SHC3: variants seen among roughly 807,000 people sequenced by gnomAD.
SHC3 encodes the protein SHC-transforming protein 3.
A neutral mutation model predicts 60.4 loss-of-function variants in SHC3; 15 were observed. That is an observed-to-expected ratio of 0.25 (90% CI 0.17 to 0.38). The LOEUF (loss-of-function observed/expected upper bound fraction) is 0.38, where lower values mean the gene tolerates loss of function less well. Among genes scored for constraint, SHC3 ranks in the 10% least tolerant of loss-of-function variants. The probability of loss-of-function intolerance (pLI) is 1.00; values close to 1 mark genes in which losing one functional copy is unlikely to be tolerated. For synonymous variants in SHC3, 294 were observed against 325.9 expected, an observed-to-expected ratio of 0.90 and a Z score of 1.05; for missense variants, 677 against 786.1, an observed-to-expected ratio of 0.86 and a Z score of 1.66.
intron 2 of SHC3, among the ~76,000 whole-genome samples, chr9:89,082,236 G>A (rs1317929726): frequency 6.6e-6 from 1 of 152,108 alleles, no homozygotes; most frequent in Non-Finnish European, 1.5e-5. Flanking sequence ...ACCCATGGGT[G>A]CAATGGACAG....
Position 89,038,043 on chromosome 9 carries a change from T to C in SHC3, c.1606A>G (p.Met536Val). ...AGGTGCTTGGCCTGGCCATTGTGCA[T>C]GCCCGTGAGGACAAAGGAGCCCGGG... Reference protein sequence around the residue: ...TNPGSFVLTGMHNGQAKHLLL... With the variant: ...TNPGSFVLTGVHNGQAKHLLL... The change falls in exon 11 of 12, where the codon ATG (methionine) becomes GTG (valine). Residue 536 changes from methionine (M) to valine (V), a missense_variant. Met to Val is a conservative substitution (Grantham distance 21). Coordinates refer to ENST00000375835, the MANE Select transcript of SHC3 (RefSeq NM_016848.6). 6.2e-7 allele frequency: 1 copy of C among 1,613,518 alleles called. No homozygotes were observed. The highest frequency in any genetic ancestry group is 8.5e-7 in the Non-Finnish European group (1 of 1,180,042).
chr9:89,018,711 T>A (rs556890623), intron 11 of SHC3, among the ~76,000 whole-genome samples: 22 of 150,702 alleles, frequency 1.5e-4, no homozygotes, highest in African/African-American at 5.1e-4. Context: ...TTTTTTTTTT[T>A]AAAGAAAACC....
chr9:89,078,787 G>A (rs138096407), intron 2 of SHC3, among the ~76,000 whole-genome samples: 100 of 152,270 alleles, frequency 6.6e-4, no homozygotes, highest in African/African-American at 2.4e-3. Flanking sequence ...GAAAGGAGCT[G>A]GTGACCCTTC....
In SHC3 at chr9:89,178,060, A is replaced by C; in HGVS notation, c.401T>G (p.Leu134Arg). Residue 134 changes from leucine to arginine, a missense_variant, in exon 1 of 12, where the codon CTG becomes CGG. Coordinates refer to ENST00000375835, the MANE Select transcript of SHC3 (RefSeq NM_016848.6). This position sits in a 1 kb window ranked among gnomAD's most constrained non-coding sequence, Gnocchi z 6.9. The part of the protein sequence containing the change: ...ARKGRPGDEP[L>R]PRPPRGAPHA... ...CGGCGCCCCCCGAGGGGGCCTGGGC[A>C]GCGGCTCGTCGCCGGGCCGGCCCTT... is the stretch of plus-strand genomic sequence containing the variant. 4.9e-6 allele frequency: 6 copies of C among 1,213,730 alleles called. No individual in the cohort carries two copies. Among genetic ancestry groups the C allele is most frequent in the Non-Finnish European group, 6.1e-6 (6 of 976,896 alleles). 75.2% of individuals were successfully genotyped at this position (1,213,730 alleles called of 1,614,324 possible).
intron 1 of SHC3, among the ~76,000 whole-genome samples, chr9:89,144,878 C>G (rs1056576307): frequency 1.3e-5 from 2 of 151,892 alleles, no homozygotes; most frequent in Non-Finnish European, 2.9e-5. Context: ...GTGGGGATGC[C>G]CTCTCACTCC....
intron 1 of SHC3, among the ~76,000 whole-genome samples, chr9:89,122,698 G>A (rs1826108544): frequency 6.6e-6 from 1 of 152,190 alleles, no homozygotes; most frequent in Admixed American, 6.5e-5. Context: ...CCACCTAAGG[G>A]TATGAACCTG....
rs985796386 is a variant in SHC3 at position 89,012,523 on chromosome 9, CGGGCGG to C, written c.*918_*923del. On this transcript the variant is annotated 3_prime_UTR_variant, in exon 12 of 12. Transcript: ENST00000375835. ...CAGGCTTCTCCCCTATTGTATAAGG[CGGGCGG>C]GGGACTTTACTAGCAATTACCATAA... is the stretch of plus-strand genomic sequence containing the variant. 2 of 152,016 alleles carry C rather than the reference CGGGCGG, an allele frequency of 1.3e-5. No homozygotes were observed. Among genetic ancestry groups the C allele is most frequent in the African/African-American group, 4.8e-5 (2 of 41,348 alleles). The allele number at this position is 152,016 out of a possible 1,614,324, so 9.4% of individuals were successfully genotyped here. A position where few individuals can be genotyped will look rare whatever the true frequency, so the allele number is the denominator to read the frequency against.
Position 89,178,171 on chromosome 9 carries a change from G to A in SHC3, c.290C>T (p.Ser97Leu). The A allele has an allele frequency of 7.7e-7, 1 of 1,301,404 alleles. No homozygotes were observed. 80.6% of individuals were successfully genotyped at this position (1,301,404 alleles called of 1,614,324 possible). A position where few individuals can be genotyped will look rare whatever the true frequency, so the allele number is the denominator to read the frequency against. Residue 97 changes from serine (S) to leucine (L), a missense_variant, in exon 1 of 12, where the codon TCG becomes TTG. Transcript: ENST00000375835. The surrounding 1 kb of genome is among the most constrained non-coding windows in gnomAD (Gnocchi z 6.9). ...AARERAGARL[S>L]GSCSAPSLAA... is the part of the protein sequence containing the mutation. Reference sequence around the variant, plus strand: ...CAGGCTGGGCGCGCTGCAGCTGCCCGAGAGCCGCGCGCCCGCCCGCTCCCG... The same window carrying A: ...CAGGCTGGGCGCGCTGCAGCTGCCCAAGAGCCGCGCGCCCGCCCGCTCCCG...
rs572695353 is a variant in SHC3, at chr9:89,122,528, C to T, written c.475-9902G>A. ...TTGACAACACCTATTTCCAAATCTA[C>T]CATATGGCTTAGGGATTCAATTAAA... On this transcript the variant is annotated intron_variant, in intron 1 of 11. Coordinates refer to ENST00000375835, the MANE Select transcript of SHC3 (RefSeq NM_016848.6). 5.3e-5 allele frequency among the ~76,000 whole-genome samples: 8 copies of T among 152,342 alleles called. No individual in the cohort carries two copies. The East Asian group carries it at 1.5e-3, about 29-fold the overall frequency.
At chr9:89,040,581 C>T (rs1824673068) in intron 10 of SHC3, among the ~76,000 whole-genome samples, 2 of 152,140 alleles carry the variant, frequency 1.3e-5, no homozygotes, top group African/African-American at 2.4e-5. Flanking sequence ...AATGGTCTAA[C>T]CAGACATGGA....
chr9:89,099,792 T>C (rs540010161), intron 2 of SHC3, among the ~76,000 whole-genome samples: 1 of 152,352 alleles, frequency 6.6e-6, no homozygotes, highest in South Asian at 2.1e-4. Context: ...AGGGTGCATC[T>C]TGGAATTAAA....
intron 11 of SHC3, among the ~76,000 whole-genome samples, chr9:89,034,068 A>G (rs1178485745): frequency 1.3e-5 from 2 of 152,248 alleles, no homozygotes; most frequent in African/African-American, 4.8e-5. Context: ...AAGGTGAAGT[A>G]GAGTTTATGA....
intron 1 of SHC3, among the ~76,000 whole-genome samples, chr9:89,114,008 C>T (rs1825987261): frequency 6.6e-6 from 1 of 152,122 alleles, no homozygotes; most frequent in Non-Finnish European, 1.5e-5. Context: ...ACAGAATTAT[C>T]CAAACACCAA....
intron 1 of SHC3, among the ~76,000 whole-genome samples, chr9:89,168,456 C>T (rs1048592918): frequency 1.3e-5 from 2 of 151,806 alleles, no homozygotes; most frequent in African/African-American, 4.8e-5. Flanking sequence ...AAGAGCAAAA[C>T]TCTGTCTCAA....
intron 2 of SHC3, chr9:89,108,936 A>T: frequency 2.0e-6 from 1 of 502,934 alleles, no homozygotes; most frequent in Non-Finnish European, 2.6e-6. Context: ...TTCAGATCCC[A>T]CTGCCCTGCA....
intron 1 of SHC3, among the ~76,000 whole-genome samples, chr9:89,169,536 G>C (rs995747672): frequency 6.6e-6 from 1 of 152,118 alleles, no homozygotes; most frequent in African/African-American, 2.4e-5. Context: ...CCAACTTGAG[G>C]CCCTCATTCC....
chr9:89,104,706 G>A (rs539794424), intron 2 of SHC3, among the ~76,000 whole-genome samples: 9 of 152,172 alleles, frequency 5.9e-5, no homozygotes, highest in Non-Finnish European at 7.4e-5. Context: ...CTTGGGGGTC[G>A]CCCATTTCAT....
intron 2 of SHC3, among the ~76,000 whole-genome samples, chr9:89,083,947 C>T (rs1825486995): frequency 6.6e-6 from 1 of 152,160 alleles, no homozygotes; most frequent in African/African-American, 2.4e-5. Context: ...ATGGCTTCTT[C>T]CCAGTTTCAT....
At chr9:89,147,847 G>A (rs1243465730) in intron 1 of SHC3, among the ~76,000 whole-genome samples, 2 of 152,074 alleles carry the variant, frequency 1.3e-5, no homozygotes, top group African/African-American at 2.4e-5. Flanking sequence ...ATGTTGAGTC[G>A]GTGTCAGCCT....
Sources: gnomAD v4.1 joint callset for allele counts (sites outside exome capture counted in the v4.1 genomes callset) on GRCh38, gnomAD v4.1.1 for gene constraint, Gnocchi (gnomAD v3.1) non-coding constraint, MANE v1.5 for transcripts, NCBI Gene and HGNC (gene_info 2026-07-23, HGNC 2026-07-21) for gene names.